The following ELF2 variants were observed in gnomAD, a reference collection of about 807,000 sequenced individuals.
ELF2 encodes ETS-related transcription factor Elf-2.
A neutral mutation model predicts 54.8 loss-of-function variants in ELF2; 11 were observed. The observed-to-expected ratio is 0.20, with a 90% CI of 0.13 to 0.33. The LOEUF is 0.33. ELF2 is among the 10% of genes least tolerant of loss of function. The probability of loss-of-function intolerance (pLI) is 1.00; values close to 1 mark genes in which losing one functional copy is unlikely to be tolerated. For synonymous variants in ELF2, 203 were observed against 245.1 expected (o/e 0.83, Z 1.61); for missense variants, 513 against 703.0 (o/e 0.73, Z 3.06).
chr4:139,078,184 C>CA (rs1423117600), intron 4 of ELF2, among the ~76,000 whole-genome samples: 1 of 152,270 alleles, frequency 6.6e-6, no homozygotes, highest in African/African-American at 2.4e-5. Flanking sequence ...GCATACCTCT[C>CA]AGCTTTGCAT....
intron 1 of ELF2, among the ~76,000 whole-genome samples, chr4:139,147,639 T>A (rs79573765): frequency 6.7e-6 from 1 of 149,600 alleles, no homozygotes; most frequent in Non-Finnish European, 1.5e-5. Flanking sequence ...GCCCAGCTAA[T>A]TTTTTTTTGT....
At chr4:139,097,510 G>C (rs552830098) in intron 4 of ELF2, among the ~76,000 whole-genome samples, 2 of 151,690 alleles carry the variant, frequency 1.3e-5, no homozygotes, top group South Asian at 4.2e-4. Context: ...CCAGCTACTC[G>C]GGAGGCTGAG....
chr4:139,067,748 C>T lies in ELF2; in HGVS notation c.549G>A (p.Gln183=), dbSNP rs1728926409. The T allele has an allele frequency of 6.2e-7, 1 of 1,602,152 alleles. No individual in the cohort carries two copies. The highest frequency in any genetic ancestry group is 8.5e-7 in the Non-Finnish European group (1 of 1,171,796). ...KKKVGRKPKT[Q]QSPISNGSPE... is the part of the protein sequence containing the mutation. Reference sequence around the variant, plus strand: ...GAGACCCATTGGAAATTGGTGATTGCTGGGTCTTTGGTTTACGGCCAACTG... The same window carrying T: ...GAGACCCATTGGAAATTGGTGATTGTTGGGTCTTTGGTTTACGGCCAACTG... Residue 183 remains glutamine, a synonymous_variant, in exon 7 of 10, where the codon CAG becomes CAA. Transcript: ENST00000686138.
intron 4 of ELF2, among the ~76,000 whole-genome samples, chr4:139,080,939 A>G (rs984966750): frequency 1.3e-5 from 2 of 149,180 alleles, no homozygotes; most frequent in African/African-American, 5.0e-5. Context: ...ATGGTGTAAT[A>G]TTAGAAAAAA....
intron 7 of ELF2, among the ~76,000 whole-genome samples, chr4:139,064,118 G>C (rs1471659116): frequency 2.0e-5 from 3 of 152,142 alleles, no homozygotes; most frequent in Non-Finnish European, 4.4e-5. Context: ...TGACCAGCCT[G>C]GCCAACATGG....
intron 1 of ELF2, among the ~76,000 whole-genome samples, chr4:139,152,340 T>C (rs1300079782): frequency 1.4e-5 from 2 of 142,832 alleles, no homozygotes; most frequent in African/African-American, 2.6e-5. Context: ...GTCTACACCA[T>C]TTTTTTTTTT....
intron 8 of ELF2, among the ~76,000 whole-genome samples, chr4:139,061,022 A>G (rs916472720): frequency 9.9e-5 from 15 of 152,204 alleles, no homozygotes; most frequent in African/African-American, 3.6e-4. Flanking sequence ...GTAACAACAA[A>G]CTGATATTAC....
chr4:139,085,451 T>A (rs374902391), intron 4 of ELF2, among the ~76,000 whole-genome samples: 1 of 152,240 alleles, frequency 6.6e-6, no homozygotes, highest in African/African-American at 2.4e-5. Context: ...CCGAATTGAC[T>A]GAACTGTGTA....
chr4:139,105,519 C>A (rs1188456924), intron 4 of ELF2, among the ~76,000 whole-genome samples: 2 of 152,178 alleles, frequency 1.3e-5, no homozygotes, highest in East Asian at 1.9e-4. Flanking sequence ...ACAGAGTTAA[C>A]TGAATTTTAA....
intron 1 of ELF2, among the ~76,000 whole-genome samples, chr4:139,169,737 G>T (rs1336926026): frequency 2.0e-5 from 3 of 151,632 alleles, no homozygotes; most frequent in Non-Finnish European, 4.4e-5. Flanking sequence ...GGCGCCTATA[G>T]TCCCAGCTAC....
intron 1 of ELF2, among the ~76,000 whole-genome samples, chr4:139,157,534 T>C (rs2148894897): frequency 6.6e-6 from 1 of 152,284 alleles, no homozygotes; most frequent in South Asian, 2.1e-4. Flanking sequence ...CCTGAGTAGC[T>C]AGGACTATAG....
intron 4 of ELF2, among the ~76,000 whole-genome samples, chr4:139,122,386 G>A (rs1418883312): frequency 6.6e-6 from 1 of 152,024 alleles, no homozygotes; most frequent in Non-Finnish European, 1.5e-5. Flanking sequence ...CTACCTAAAA[G>A]GAAATATGCA....
At chr4:139,103,268 G>C (rs1028954722) in intron 4 of ELF2, among the ~76,000 whole-genome samples, 21 of 152,172 alleles carry the variant, frequency 1.4e-4, no homozygotes, top group African/African-American at 5.1e-4. Context: ...CTCCAAAGTA[G>C]TAAGTGTTCT....
At chr4:139,125,109 T>C in intron 4 of ELF2, 55 bp downstream of exon 4, 1 of 1,568,084 alleles carries the variant, frequency 6.4e-7, no homozygotes, top group Non-Finnish European at 8.6e-7. Flanking sequence ...ATAGTATTGT[T>C]GAAGCTTACA....
At chr4:139,091,094 C>T (rs1422231447) in intron 4 of ELF2, among the ~76,000 whole-genome samples, 2 of 152,030 alleles carry the variant, frequency 1.3e-5, no homozygotes, top group African/African-American at 4.8e-5. Flanking sequence ...CCACCATGCC[C>T]GGCTAATTTT....
intron 4 of ELF2, among the ~76,000 whole-genome samples, chr4:139,089,771 T>C (rs1043440123): frequency 6.6e-6 from 1 of 152,236 alleles, no homozygotes; most frequent in African/African-American, 2.4e-5. Context: ...ATCTAAGTTA[T>C]TCATCACATT....
chr4:139,100,292 G>T (rs1370497813), intron 4 of ELF2: 4 of 151,854 alleles, frequency 2.6e-5, no homozygotes, highest in Non-Finnish European at 5.9e-5. Flanking sequence ...TTCCTTTTTG[G>T]GGGGTTGCTA....
At chr4:139,171,300 C>A (rs952270788) in intron 1 of ELF2, among the ~76,000 whole-genome samples, 9 of 151,888 alleles carry the variant, frequency 5.9e-5, no homozygotes, top group Non-Finnish European at 8.8e-5. Context: ...ACTCAGGAGG[C>A]TGAGGTAGGG....
chr4:139,143,356 T>C (rs187620254), intron 1 of ELF2, among the ~76,000 whole-genome samples: 1 of 152,110 alleles, frequency 6.6e-6, no homozygotes, highest in East Asian at 1.9e-4. Context: ...AAGAAATGAG[T>C]AGATATTATT....
Sources: allele counts gnomAD v4.1 joint callset (sites outside exome capture counted in the v4.1 genomes callset), GRCh38; gene constraint gnomAD v4.1.1; transcripts MANE v1.5; gene names NCBI Gene and HGNC (gene_info 2026-07-23, HGNC 2026-07-21).